MBOAT2: variants seen among roughly 807,000 people sequenced by gnomAD.
MBOAT2 encodes membrane-bound glycerophospholipid O-acyltransferase 2.
In MBOAT2, 28 loss-of-function variants were observed where a neutral mutation model predicts 63.4. The observed-to-expected ratio is 0.44, with a 90% confidence interval of 0.33 to 0.61. MBOAT2 has a LOEUF of 0.61. Ranked by LOEUF, MBOAT2 falls within the 20% of genes least tolerant of loss-of-function variation. The pLI is 0.03. For missense variants in MBOAT2, 470 were observed against 605.8 expected, an observed-to-expected ratio of 0.78 and a Z score of 2.35; for synonymous variants, 211 against 215.6, an observed-to-expected ratio of 0.98 and a Z score of 0.19.
intron 2 of MBOAT2, among the ~76,000 whole-genome samples, chr2:8,951,477 TTA>T (rs1027814107): frequency 1.3e-5 from 2 of 152,174 alleles, no homozygotes; most frequent in African/African-American, 4.8e-5. Flanking sequence ...TGTGCTGGGA[TTA>T]CAAGTGTGAG....
chr2:8,962,082 C>T (rs1175200119), intron 1 of MBOAT2, among the ~76,000 whole-genome samples: 1 of 152,164 alleles, frequency 6.6e-6, no homozygotes. Context: ...CATCTAATTG[C>T]TCCTTGGCAC....
intron 4 of MBOAT2, among the ~76,000 whole-genome samples, chr2:8,903,152 GC>G (rs1665085715): frequency 6.6e-6 from 1 of 151,944 alleles, no homozygotes; most frequent in Non-Finnish European, 1.5e-5. Context: ...CTTTAACTAG[GC>G]ACAAAGCACT....
intron 2 of MBOAT2, among the ~76,000 whole-genome samples, chr2:8,952,679 C>G (rs1190683917): frequency 6.6e-6 from 1 of 151,004 alleles, no homozygotes; most frequent in African/African-American, 2.4e-5. Flanking sequence ...TAATTTTATC[C>G]AGGTAGAATT....
chr2:8,877,078 T>G lies in MBOAT2; in HGVS notation c.642A>C (p.Glu214Asp), dbSNP rs748274292. ...GRSYHITQSGENGKEETQYER... is the reference protein window; with the variant it reads ...GRSYHITQSGDNGKEETQYER... The stretch of plus-strand genomic sequence containing the variant: ...CATACTGTGTCTCTTCTTTTCCATT[T>G]TCACCAGATTGTGTGATATGGTATG... Residue 214 changes from glutamate to aspartate, a missense_variant, in exon 7 of 13, where the codon GAA (glutamate) becomes GAC (aspartate). Physicochemically the swap from Glu to Asp is conservative, Grantham distance 45. Transcript: ENST00000305997. 5 of 1,613,764 alleles carry G rather than the reference T, an allele frequency of 3.1e-6. No homozygotes were observed. Among genetic ancestry groups the G allele is most frequent in the Middle Eastern group, 3.3e-4 (2 of 6,058 alleles).
intron 4 of MBOAT2, among the ~76,000 whole-genome samples, chr2:8,902,297 G>A (rs770637884): frequency 5.3e-5 from 8 of 152,196 alleles, no homozygotes; most frequent in Non-Finnish European, 8.8e-5. Flanking sequence ...AAAGGGGTCC[G>A]ATGGTACTCA....
rs1665813641 is a variant in MBOAT2 at position 8,912,357 on chromosome 2, GAAAGAAAGAAAGAAAGAGAAAGAA to G, written c.300-3665_300-3642del. ...AAAGAAAGAAAGAAAGAAAGAGAAA[GAAAGAAAGAAAGAAAGAGAAAGAA>G]AGAAAGAAAGAAAGAAAGAAAGAAA... is the stretch of plus-strand genomic sequence containing the variant. On this transcript the variant is annotated intron_variant, in intron 3 of 12. Transcript: ENST00000305997. Among the ~76,000 whole-genome samples, 8 of 104,268 alleles carry G rather than the reference GAAAGAAAGAAAGAAAGAGAAAGAA, an allele frequency of 7.7e-5. No homozygotes were observed. The South Asian group carries it at 1.6e-3, about 21-fold the overall frequency. The allele number at this position is 104,268 out of a possible 152,430, so 68.4% of individuals were successfully genotyped here.
intron 1 of MBOAT2, among the ~76,000 whole-genome samples, chr2:9,000,227 A>G (rs1672588691): frequency 6.6e-6 from 1 of 152,192 alleles, no homozygotes; most frequent in South Asian, 2.1e-4. Flanking sequence ...AACAAGTTAT[A>G]TTTTTACACT....
intron 2 of MBOAT2, among the ~76,000 whole-genome samples, chr2:8,954,591 T>C (rs1003789253): frequency 6.6e-6 from 1 of 151,978 alleles, no homozygotes; most frequent in Non-Finnish European, 1.5e-5. Context: ...TGGCTTAAAC[T>C]TCTAATCTAG....
chr2:8,865,498 A>G (rs1053023425), intron 9 of MBOAT2, among the ~76,000 whole-genome samples: 13 of 152,054 alleles, frequency 8.5e-5, no homozygotes, highest in African/African-American at 2.9e-4. Context: ...ACTTCAATCA[A>G]TAGGTCTCTC....
intron 5 of MBOAT2, among the ~76,000 whole-genome samples, chr2:8,884,395 CA>C (rs769654995): frequency 2.7e-5 from 4 of 150,318 alleles, no homozygotes; most frequent in Non-Finnish European, 5.9e-5. Flanking sequence ...AAAACATTAT[CA>C]GGATTTAAAC....
chr2:8,891,829 G>A (rs1005213122), intron 4 of MBOAT2, among the ~76,000 whole-genome samples: 7 of 152,120 alleles, frequency 4.6e-5, no homozygotes, highest in Admixed American at 2.6e-4. Context: ...TCCTTCTATA[G>A]GACAACATTA....
chr2:8,953,631 T>C (rs984097866), intron 2 of MBOAT2, among the ~76,000 whole-genome samples: 14 of 152,220 alleles, frequency 9.2e-5, no homozygotes, highest in African/African-American at 3.4e-4. Flanking sequence ...ATTTTGTTCA[T>C]TTATTAAAAT....
At chr2:8,974,611 G>T (rs1175006865) in intron 1 of MBOAT2, among the ~76,000 whole-genome samples, 2 of 152,100 alleles carry the variant, frequency 1.3e-5, no homozygotes, top group Non-Finnish European at 2.9e-5. Context: ...TGGAAACAAT[G>T]GCAGCCTCTG....
chr2:8,897,185 CTT>C (rs1232881711), intron 4 of MBOAT2, among the ~76,000 whole-genome samples: 1 of 152,138 alleles, frequency 6.6e-6, no homozygotes, highest in East Asian at 1.9e-4. Flanking sequence ...CTCTTTCTCT[CTT>C]TTTCTCTGAT....
At chr2:8,860,028 A>C (rs1411654044) in intron 12 of MBOAT2, among the ~76,000 whole-genome samples, 3 of 152,092 alleles carry the variant, frequency 2.0e-5, no homozygotes, top group Non-Finnish European at 4.4e-5. Context: ...TACTAAAAAA[A>C]AAAACAAAAA....
In MBOAT2 at chr2:8,853,071, G is replaced by A. The variant is rs80103905; in HGVS notation, c.*5608C>T. 2 of 152,318 alleles carry A rather than the reference G, an allele frequency of 1.3e-5. No homozygotes were observed. The highest frequency in any genetic ancestry group is 3.9e-4 in the East Asian group (2 of 5,190). 9.4% of individuals were successfully genotyped at this position (152,318 alleles called of 1,614,324 possible). ...TCTCTCCTCATGTTTGGGCGACTGAGGGCTCAACTACTACTAGGCAGAGAT... is the reference window on the plus strand; with the variant it reads ...TCTCTCCTCATGTTTGGGCGACTGAAGGCTCAACTACTACTAGGCAGAGAT... On this transcript the variant is annotated 3_prime_UTR_variant, in exon 13 of 13. Transcript: ENST00000305997.
chr2:8,925,982 A>G (rs1666903342), intron 3 of MBOAT2, among the ~76,000 whole-genome samples: 1 of 152,194 alleles, frequency 6.6e-6, no homozygotes, highest in Admixed American at 6.5e-5. Flanking sequence ...ACTCCAATTT[A>G]CAAAAGAGGA....
At chr2:8,865,476 A>G (rs892534158) in intron 9 of MBOAT2, among the ~76,000 whole-genome samples, 7 of 152,178 alleles carry the variant, frequency 4.6e-5, no homozygotes, top group South Asian at 2.1e-4. Context: ...CTCCACTTCC[A>G]TCTTCTCCGG....
chr2:8,954,393 C>CT (rs1412797731), intron 2 of MBOAT2, among the ~76,000 whole-genome samples: 2 of 152,200 alleles, frequency 1.3e-5, no homozygotes, highest in East Asian at 3.9e-4. Flanking sequence ...CTGCTCAGCC[C>CT]TGGGGGGCAG....
Sources: gnomAD v4.1 joint callset for allele counts (sites outside exome capture counted in the v4.1 genomes callset) on GRCh38, gnomAD v4.1.1 for gene constraint, MANE v1.5 for transcripts, NCBI Gene and HGNC (gene_info 2026-07-23, HGNC 2026-07-21) for gene names.